Variants in ALDH1A2 observed in about 807,000 individuals in gnomAD.
ALDH1A2 encodes retinal dehydrogenase 2.
Under a neutral mutation model 60.3 loss-of-function variants are expected in ALDH1A2, and 27 were observed. The observed-to-expected ratio is 0.45, with a 90% CI of 0.33 to 0.62. ALDH1A2 has a LOEUF of 0.62. Among genes scored for constraint, ALDH1A2 ranks in the 20% least tolerant of loss-of-function variants. The pLI, the probability that ALDH1A2 is intolerant of heterozygous loss-of-function variation, is 0.02. For synonymous variants in ALDH1A2, 289 were observed against 232.4 expected, an observed-to-expected ratio of 1.24 and a Z score of -2.21; for missense variants, 581 against 643.8, an observed-to-expected ratio of 0.90 and a Z score of 1.06.
chr15:57,956,972 A>C (rs1314104238), intron 12 of ALDH1A2, among the ~76,000 whole-genome samples: 2 of 152,156 alleles, frequency 1.3e-5, no homozygotes, highest in Non-Finnish European at 2.9e-5. Context: ...GTGTGATGCA[A>C]TGGAAAACCC....
At chr15:57,992,625 G>A (rs568338188) in intron 7 of ALDH1A2, 80 bp downstream of exon 7, 19 of 1,300,268 alleles carry the variant, frequency 1.5e-5, no homozygotes, top group Non-Finnish European at 1.7e-5. Context: ...CTAGCCTATG[G>A]GTACTAGTTT....
chr15:58,063,212 GATGT>G (rs1897087200), intron 1 of ALDH1A2, among the ~76,000 whole-genome samples: 1 of 152,170 alleles, frequency 6.6e-6, no homozygotes, highest in South Asian at 2.1e-4. Flanking sequence ...CTTCACTAAA[GATGT>G]ATGTTTAGCA....
intron 3 of ALDH1A2, among the ~76,000 whole-genome samples, chr15:58,011,661 C>T (rs566160886): frequency 6.6e-5 from 10 of 152,050 alleles, no homozygotes; most frequent in Non-Finnish European, 1.5e-4. Flanking sequence ...AAAATATTCT[C>T]CAATCAATGA....
chr15:57,960,403 C>G (rs1325292926), intron 12 of ALDH1A2, among the ~76,000 whole-genome samples: 2 of 152,152 alleles, frequency 1.3e-5, no homozygotes, highest in East Asian at 3.8e-4. Flanking sequence ...AAAGTGGGTT[C>G]TTTTCCTGGA....
intron 7 of ALDH1A2, among the ~76,000 whole-genome samples, chr15:57,984,027 C>A (rs1424298237): frequency 6.6e-6 from 1 of 152,192 alleles, no homozygotes; most frequent in East Asian, 1.9e-4. Context: ...GAGAAATTAT[C>A]CTTCCTAAGT....
intron 4 of ALDH1A2, among the ~76,000 whole-genome samples, chr15:58,004,955 C>T (rs1402000096): frequency 6.6e-6 from 1 of 151,598 alleles, no homozygotes; most frequent in East Asian, 1.9e-4. Context: ...ACCATACTTT[C>T]CAAAGCAATA....
At chr15:57,997,816 T>C (rs143217903) in intron 4 of ALDH1A2, among the ~76,000 whole-genome samples, 29 of 152,076 alleles carry the variant, frequency 1.9e-4, no homozygotes, top group African/African-American at 6.7e-4. Context: ...ACCGTTCACA[T>C]ATTTGAAAAG....
At chr15:57,964,681 A>G (rs1276662086) in intron 8 of ALDH1A2, 1 of 153,184 alleles carries the variant, frequency 6.5e-6, no homozygotes, top group African/African-American at 2.4e-5. Flanking sequence ...AATTTCCTCT[A>G]GATTGACATG....
chr15:57,982,432 G>A (rs1326168432), intron 7 of ALDH1A2, among the ~76,000 whole-genome samples: 3 of 152,148 alleles, frequency 2.0e-5, no homozygotes, highest in Admixed American at 2.0e-4. Context: ...GGTTTAGAGA[G>A]ACGCAAACTA....
At chr15:57,966,412 G>A (rs756633958) in intron 7 of ALDH1A2, among the ~76,000 whole-genome samples, 1 of 152,134 alleles carries the variant, frequency 6.6e-6, no homozygotes, top group Non-Finnish European at 1.5e-5. Context: ...GTAAACAAGA[G>A]GCTGAGTTAG....
At chr15:58,037,892 A>C (rs1896417866) in intron 1 of ALDH1A2, among the ~76,000 whole-genome samples, 1 of 151,730 alleles carries the variant, frequency 6.6e-6, no homozygotes, top group Admixed American at 6.6e-5. Context: ...TGAACTCAAA[A>C]AGACACACTT....
chr15:57,975,662 A>G (rs1282571693), intron 7 of ALDH1A2, among the ~76,000 whole-genome samples: 1 of 152,252 alleles, frequency 6.6e-6, no homozygotes, highest in African/African-American at 2.4e-5. Context: ...GCAATAAAAA[A>G]GAACGAATTG....
chr15:57,967,930 G>A (rs1372999915), intron 7 of ALDH1A2, among the ~76,000 whole-genome samples: 3 of 152,178 alleles, frequency 2.0e-5, no homozygotes, highest in African/African-American at 4.8e-5. Flanking sequence ...GGAGAATCTG[G>A]CCCTCTCTTC....
chr15:57,979,039 C>T (rs1308814679), intron 7 of ALDH1A2, among the ~76,000 whole-genome samples: 1 of 152,070 alleles, frequency 6.6e-6, no homozygotes, highest in Non-Finnish European at 1.5e-5. Flanking sequence ...AAAAACCCTA[C>T]TGAGGCCACG....
chr15:58,025,679 A>G (rs1349942380), intron 1 of ALDH1A2, among the ~76,000 whole-genome samples: 2 of 152,222 alleles, frequency 1.3e-5, no homozygotes, highest in Non-Finnish European at 2.9e-5. Context: ...ATACCTGAGG[A>G]TAGATAATTT....
intron 1 of ALDH1A2, among the ~76,000 whole-genome samples, chr15:58,033,404 T>A (rs1257450097): frequency 6.6e-6 from 1 of 152,000 alleles, no homozygotes; most frequent in Non-Finnish European, 1.5e-5. Flanking sequence ...CATTTTATAA[T>A]GCAGTTACTG....
At chr15:57,971,897 T>TA (rs757733199) in intron 7 of ALDH1A2, among the ~76,000 whole-genome samples, 4 of 152,044 alleles carry the variant, frequency 2.6e-5, no homozygotes, top group Non-Finnish European at 4.4e-5. Context: ...CTAATTTATT[T>TA]TTTATTTTTT....
At chr15:57,983,674 C>T (rs1402626495) in intron 7 of ALDH1A2, among the ~76,000 whole-genome samples, 1 of 152,130 alleles carries the variant, frequency 6.6e-6, no homozygotes. Flanking sequence ...TCTTGAAAAT[C>T]ATGACATTTT....
intron 7 of ALDH1A2, among the ~76,000 whole-genome samples, chr15:57,975,737 ATATAC>A (rs1349559672): frequency 2.0e-5 from 3 of 152,034 alleles, no homozygotes; most frequent in Non-Finnish European, 4.4e-5. Context: ...ACAAAAGAGT[ATATAC>A]TATATGTTGC....
Sources: gnomAD v4.1 joint callset for allele counts (sites outside exome capture counted in the v4.1 genomes callset) on GRCh38, gnomAD v4.1.1 for gene constraint, MANE v1.5 for transcripts, NCBI Gene and HGNC (gene_info 2026-07-23, HGNC 2026-07-21) for gene names.